Variants in C3 observed in about 807,000 individuals in gnomAD.
C3 encodes the protein complement C3.
Under a neutral mutation model 207.9 loss-of-function variants are expected in C3, and 97 were observed. The observed-to-expected ratio is 0.47, with a 90% CI of 0.40 to 0.55. C3 has a LOEUF of 0.55. C3 is among the 20% of genes least tolerant of loss of function. C3 has a pLI of 0.00. For synonymous variants in C3, 848 were observed against 857.6 expected, an observed-to-expected ratio of 0.99 and a Z score of 0.20; for missense variants, 1,684 against 2,171.7, an observed-to-expected ratio of 0.78 and a Z score of 4.46.
chr19:6,686,237 T>A lies in C3; in HGVS notation c.3697A>T (p.Thr1233Ser), dbSNP rs1327111445. 6.2e-7 allele frequency: 1 copy of A among 1,614,210 alleles called. No homozygotes were observed. Residue 1233 changes from threonine to serine, a missense_variant, in exon 29 of 41, where the codon ACA (threonine) becomes TCA (serine). Coordinates refer to ENST00000245907, the MANE Select transcript of C3 (RefSeq NM_000064.4). ...AGTAGGGCCAAGAGGGCATAGGATGTGGCCTCCACGTTGTAGAGCTGCTTA... is the reference window on the plus strand; with the variant it reads ...AGTAGGGCCAAGAGGGCATAGGATGAGGCCTCCACGTTGTAGAGCTGCTTA... ...PGKQLYNVEA[T>S]SYALLALLQL...
At chr19:6,705,033 C>T (rs772273673) in intron 17 of C3, among the ~76,000 whole-genome samples, 2 of 152,158 alleles carry the variant, frequency 1.3e-5, no homozygotes, top group African/African-American at 2.4e-5. Flanking sequence ...GCCACTAAGC[C>T]CAGCCCAAAG....
intron 18 of C3, 78 bp from the exon 19 acceptor site, chr19:6,702,290 C>T: frequency 9.6e-7 from 1 of 1,038,822 alleles, no homozygotes; most frequent in Non-Finnish European, 1.5e-6. Flanking sequence ...TGCAGAGGGA[C>T]CCCAAGGGAC....
intron 19 of C3, 83 bp from the exon 20 acceptor site, chr19:6,697,877 C>T: frequency 7.2e-7 from 1 of 1,395,228 alleles, no homozygotes. Flanking sequence ...TCTTAGTCCA[C>T]TCCGCAGGAG....
At chr19:6,715,716 G>A (rs1490137784) in intron 4 of C3, among the ~76,000 whole-genome samples, 1 of 151,312 alleles carries the variant, frequency 6.6e-6, no homozygotes, top group Non-Finnish European at 1.5e-5. Context: ...CCGCCTCCCG[G>A]GTTCACACCA....
intron 27 of C3, among the ~76,000 whole-genome samples, chr19:6,688,969 C>G (rs527533271): frequency 6.6e-6 from 1 of 152,272 alleles, no homozygotes; most frequent in East Asian, 1.9e-4. Flanking sequence ...GATATTTTCT[C>G]TAAGGAAGGC....
At chr19:6,698,468 C>G (rs942729674) in intron 19 of C3, among the ~76,000 whole-genome samples, 15 of 152,240 alleles carry the variant, frequency 9.9e-5, no homozygotes, top group African/African-American at 3.6e-4. Flanking sequence ...TGGGGTTTGC[C>G]TGAGTGAGAA....
chr19:6,720,098 CA>C (rs1276231345), intron 1 of C3, among the ~76,000 whole-genome samples: 2 of 152,218 alleles, frequency 1.3e-5, no homozygotes, highest in African/African-American at 4.8e-5. Flanking sequence ...ACACCACATA[CA>C]CCCTAAACCA....
chr19:6,684,021 C>A (rs1054802004), intron 33 of C3, among the ~76,000 whole-genome samples: 11 of 152,204 alleles, frequency 7.2e-5, no homozygotes, highest in African/African-American at 2.7e-4. Context: ...ATCGCTTGAG[C>A]CAGGGAGTTT....
rs144643540 is a variant in C3 at position 6,709,864 on chromosome 19, C to T, written c.1687-22G>A. 0.016 allele frequency: 25,434 copies of T among 1,610,994 alleles called. 283 individuals carry two copies. Among genetic ancestry groups the T allele is most frequent in the Non-Finnish European group, 0.018 (21,067 of 1,178,770 alleles). On this transcript the variant is annotated intron_variant, in intron 13 of 40. Coordinates refer to ENST00000245907, the MANE Select transcript of C3 (RefSeq NM_000064.4). ...CCAGCTGTGGGGAGGGTGGAGACGC[C>T]GAAAGAAGTCAGCCCTGGGAGAGAG...
At position 6,686,800 on chromosome 19, in the gene C3, G is replaced by C; in HGVS notation, c.3592C>G (p.Gln1198Glu). Residue 1198 changes from glutamine to glutamate, a missense_variant, in exon 28 of 41, where the codon CAG (glutamine) becomes GAG (glutamate). Transcript: ENST00000245907. ...AGAGGCCCCTTCAGCCTGCCCATCT[G>C]GGCCAGAGCATAGCCAGCAATGGCC... ...TVAIAGYALA[Q>E]MGRLKGPLLN... is the part of the protein sequence containing the mutation. The C allele has an allele frequency of 6.2e-7, 1 of 1,614,176 alleles. No homozygotes were observed.
intron 2 of C3, 108 bp from the exon 3 acceptor site, chr19:6,718,520 T>C: frequency 1.5e-6 from 2 of 1,377,126 alleles, no homozygotes; most frequent in South Asian, 1.2e-5. Context: ...TTATTCTTGG[T>C]CTTCCGAGGT....
chr19:6,714,685 A>C (rs1363334209), intron 4 of C3, among the ~76,000 whole-genome samples: 1 of 152,070 alleles, frequency 6.6e-6, no homozygotes, highest in Admixed American at 6.5e-5. Flanking sequence ...AACGTGATGA[A>C]ACCCTGTCTC....
chr19:6,694,351 TTGAGA>T (rs1369468227), intron 24 of C3, 75 bp downstream of exon 24: 25 of 1,313,008 alleles, frequency 1.9e-5, no homozygotes, highest in East Asian at 1.8e-4. Context: ...GGGCGTGGTC[TTGAGA>T]TGAGGTGGGA....
chr19:6,691,918 T>C lies in C3; in HGVS notation c.3390+1006A>G, dbSNP rs893034626. Among the ~76,000 whole-genome samples the C allele has an allele frequency of 9.3e-5, 14 of 149,850 alleles. 1 individual carries two copies. Among genetic ancestry groups the C allele is most frequent in the Admixed American group, 4.0e-4 (6 of 14,934 alleles). On this transcript the variant is annotated intron_variant, in intron 26 of 40. Transcript: ENST00000245907. The stretch of plus-strand genomic sequence containing the variant: ...AGGAGAATTGCTTGAACCTGGGAGG[T>C]GGAGGTTGCAGTGAGCCAAGATCGG...
Position 6,677,827 on chromosome 19 carries a change from C to G in C3, c.*55G>C, listed in dbSNP as rs563213866. 3.0e-5 allele frequency: 48 copies of G among 1,609,418 alleles called. No homozygotes were observed. In the African/African-American group the frequency reaches 4.9e-4, roughly 17 times the overall value. Reference sequence around the variant, plus strand: ...GCCTCTCCCTCTTGGCAAAGAACTCCAGACACGTGAGATATAACTGAAGCT... The same window carrying G: ...GCCTCTCCCTCTTGGCAAAGAACTCGAGACACGTGAGATATAACTGAAGCT... On this transcript the variant is annotated 3_prime_UTR_variant, in exon 41 of 41. Transcript: ENST00000245907.
At position 6,686,759 on chromosome 19, in the gene C3, C is replaced by A; in HGVS notation, c.3633G>T (p.Leu1211=). Residue 1211 remains leucine (L), a synonymous_variant, in exon 28 of 41, where the codon CTG becomes CTT. Transcript: ENST00000245907. ...GCCAACCCTCACCTTTGGCTGTGGT[C>A]AGAAATTTGTTAAGAAGAGGCCCCT... ...RLKGPLLNKF[L]TTAKDKNRWE... is the part of the protein sequence containing the mutation. 6.2e-7 allele frequency: 1 copy of A among 1,613,990 alleles called. No individual in the cohort carries two copies. The highest frequency in any genetic ancestry group is 1.1e-5 in the South Asian group (1 of 91,070).
intron 33 of C3, among the ~76,000 whole-genome samples, chr19:6,683,964 T>C (rs903615159): frequency 4.6e-5 from 7 of 152,210 alleles, no homozygotes; most frequent in Non-Finnish European, 8.8e-5. Flanking sequence ...CCAGGTGTCA[T>C]GGCACACGCC....
At chr19:6,695,235 A>C (rs1967506438) in intron 23 of C3, among the ~76,000 whole-genome samples, 1 of 149,578 alleles carries the variant, frequency 6.7e-6, no homozygotes, top group African/African-American at 2.5e-5. Context: ...ACGCCACTGC[A>C]CTCTAGCCTG....
chr19:6,704,455 T>A (rs576312536), intron 17 of C3, among the ~76,000 whole-genome samples: 2 of 152,062 alleles, frequency 1.3e-5, no homozygotes, highest in African/African-American at 4.8e-5. Context: ...CCTTAAAAAA[T>A]ATATATATTT....
Sources: gnomAD v4.1 joint callset for allele counts (sites outside exome capture counted in the v4.1 genomes callset) on GRCh38, gnomAD v4.1.1 for gene constraint, MANE v1.5 for transcripts, NCBI Gene and HGNC (gene_info 2026-07-23, HGNC 2026-07-21) for gene names.